Variants in LINGO2 observed in about 807,000 individuals in gnomAD.
LINGO2 encodes the protein leucine-rich repeat and immunoglobulin-like domain-containing nogo receptor-interacting protein 2.
In LINGO2, 14 loss-of-function variants were observed where a neutral mutation model predicts 30.6. The ratio of observed to expected loss-of-function variants is 0.46; its 90% CI spans 0.30 to 0.72. The LOEUF (loss-of-function observed/expected upper bound fraction) is 0.72. Ranked by LOEUF, LINGO2 falls within the 30% of genes least tolerant of loss-of-function variation. The probability of loss-of-function intolerance (pLI) is 0.07; values close to 1 mark genes in which losing one functional copy is unlikely to be tolerated. For synonymous variants in LINGO2, 317 were observed against 288.5 expected (o/e 1.10, Z -1.00); for missense variants, 729 against 751.7 (o/e 0.97, Z 0.35).
chr9:28,749,875 T>A, the LINGO2 span, among the ~76,000 whole-genome samples: 1 of 152,106 alleles, frequency 6.6e-6, no homozygotes, highest in Non-Finnish European at 1.5e-5. Context: ...TAATCATTAT[T>A]GTGTTGCAAA....
chr9:28,244,440 A>G (rs1313474186), intron 4 of LINGO2, among the ~76,000 whole-genome samples: 1 of 152,204 alleles, frequency 6.6e-6, no homozygotes, highest in Non-Finnish European at 1.5e-5. Flanking sequence ...GCAGAAGACA[A>G]GAAATAATTA....
chr9:29,109,070 TTATA>T, the LINGO2 span, among the ~76,000 whole-genome samples: 1 of 152,192 alleles, frequency 6.6e-6, no homozygotes, highest in Non-Finnish European at 1.5e-5. Context: ...ATCTACATAT[TTATA>T]TATAAGCCAT....
the LINGO2 span, among the ~76,000 whole-genome samples, chr9:28,695,474 T>C: frequency 6.6e-6 from 1 of 151,924 alleles, no homozygotes; most frequent in Non-Finnish European, 1.5e-5. Context: ...CCACACAATT[T>C]CACTTCAGAG....
chr9:28,955,477 T>G, the LINGO2 span, among the ~76,000 whole-genome samples: 1 of 152,070 alleles, frequency 6.6e-6, no homozygotes, highest in African/African-American at 2.4e-5. Context: ...CACTGACTGC[T>G]GATGGAGGTA....
intron 4 of LINGO2, among the ~76,000 whole-genome samples, chr9:28,111,481 A>C (rs2133362448): frequency 6.6e-6 from 1 of 152,148 alleles, no homozygotes; most frequent in Non-Finnish European, 1.5e-5. Context: ...AATTGTACAG[A>C]AAAAAAGGCT....
At chr9:28,391,318 A>G (rs2134689227) in intron 2 of LINGO2, among the ~76,000 whole-genome samples, 1 of 152,260 alleles carries the variant, frequency 6.6e-6, no homozygotes, top group East Asian at 1.9e-4. Context: ...ATTAGAGCTT[A>G]TATCTAAGGA....
intron 4 of LINGO2, among the ~76,000 whole-genome samples, chr9:28,178,838 G>A (rs764502430): frequency 6.6e-6 from 1 of 152,124 alleles, no homozygotes; most frequent in African/African-American, 2.4e-5. Flanking sequence ...GGGAAGACAA[G>A]AAGTGAATAG....
At chr9:28,974,047 T>C in the LINGO2 span, among the ~76,000 whole-genome samples, 1 of 152,186 alleles carries the variant, frequency 6.6e-6, no homozygotes, top group Admixed American at 6.5e-5. Flanking sequence ...CTAAGTAGAA[T>C]GACTAAATGA....
the LINGO2 span, among the ~76,000 whole-genome samples, chr9:28,690,288 ACT>A: frequency 6.6e-6 from 1 of 152,062 alleles, no homozygotes; most frequent in Admixed American, 6.6e-5. Context: ...CCCAGCCCAC[ACT>A]CTGATTACAG....
intron 3 of LINGO2, among the ~76,000 whole-genome samples, chr9:28,347,136 GT>G (rs1350857310): frequency 1.3e-5 from 2 of 152,116 alleles, no homozygotes; most frequent in African/African-American, 4.8e-5. Flanking sequence ...GATATAGGAT[GT>G]GAATCCATGG....
chr9:28,973,663 T>G, the LINGO2 span, among the ~76,000 whole-genome samples: 1 of 152,198 alleles, frequency 6.6e-6, no homozygotes, highest in Non-Finnish European at 1.5e-5. Flanking sequence ...CAATTAAACC[T>G]CTTTCCTTTA....
At chr9:28,364,773 T>C (rs1820593562) in intron 3 of LINGO2, among the ~76,000 whole-genome samples, 1 of 152,250 alleles carries the variant, frequency 6.6e-6, no homozygotes, top group Non-Finnish European at 1.5e-5. Context: ...TGCATTACAA[T>C]TGTCCAGATG....
At chr9:27,981,471 G>C (rs1353578637) in intron 5 of LINGO2, among the ~76,000 whole-genome samples, 1 of 137,278 alleles carries the variant, frequency 7.3e-6, no homozygotes, top group South Asian at 2.4e-4. Flanking sequence ...CAGAATGAGG[G>C]TTATTTTGAA....
At chr9:28,436,507 G>T (rs1411371830) in intron 2 of LINGO2, among the ~76,000 whole-genome samples, 1 of 151,650 alleles carries the variant, frequency 6.6e-6, no homozygotes, top group Non-Finnish European at 1.5e-5. Context: ...GCCAAGGCTG[G>T]AATGCAGTGG....
chr9:28,397,847 A>G (rs1253178893), intron 2 of LINGO2, among the ~76,000 whole-genome samples: 1 of 151,982 alleles, frequency 6.6e-6, no homozygotes, highest in Non-Finnish European at 1.5e-5. Flanking sequence ...ATACCCGGCC[A>G]ATAGATGTCT....
At chr9:28,781,939 AT>A in the LINGO2 span, among the ~76,000 whole-genome samples, 3 of 152,190 alleles carry the variant, frequency 2.0e-5, no homozygotes, top group Non-Finnish European at 4.4e-5. Flanking sequence ...ATTGCTATAC[AT>A]TTTTAAACCA....
intron 4 of LINGO2, among the ~76,000 whole-genome samples, chr9:28,094,224 A>C (rs1031782243): frequency 3.9e-5 from 6 of 152,166 alleles, no homozygotes; most frequent in Non-Finnish European, 5.9e-5. Context: ...AGGAATAGTA[A>C]CTTAATTAAA....
At chr9:28,309,778 G>C (rs10968482) in intron 3 of LINGO2, among the ~76,000 whole-genome samples, 1 of 151,404 alleles carries the variant, frequency 6.6e-6, no homozygotes, top group Non-Finnish European at 1.5e-5. Flanking sequence ...TAAAAAACTC[G>C]TGTAAAATAC....
chr9:29,062,502 T>C, the LINGO2 span, among the ~76,000 whole-genome samples: 3 of 152,212 alleles, frequency 2.0e-5, no homozygotes, highest in East Asian at 3.9e-4. Flanking sequence ...GATAAAATTC[T>C]GCTTTAAAAG....
Sources: gnomAD v4.1 joint callset for allele counts (sites outside exome capture counted in the v4.1 genomes callset) on GRCh38, gnomAD v4.1.1 for gene constraint, MANE v1.5 for transcripts, NCBI Gene and HGNC (gene_info 2026-07-23, HGNC 2026-07-21) for gene names.